Variants in GBE1 observed in about 807,000 individuals in gnomAD.
The protein encoded by GBE1 is 1,4-alpha-glucan-branching enzyme.
A neutral mutation model predicts 88.8 loss-of-function variants in GBE1; 70 were observed. The observed-to-expected ratio is 0.79, with a 90% CI of 0.65 to 0.96. The LOEUF is 0.96. GBE1 is among the 40% of genes least tolerant of loss of function. The probability of loss-of-function intolerance (pLI) is 0.00; values close to 1 mark genes in which losing one functional copy is unlikely to be tolerated. For missense variants in GBE1, 872 were observed against 871.0 expected, an observed-to-expected ratio of 1.00 and a Z score of -0.01; for synonymous variants, 284 against 300.1, an observed-to-expected ratio of 0.95 and a Z score of 0.56.
At chr3:81,705,989 G>A (rs548563950) in intron 1 of GBE1, among the ~76,000 whole-genome samples, 1 of 152,152 alleles carries the variant, frequency 6.6e-6, no homozygotes, top group East Asian at 1.9e-4. Flanking sequence ...AAATAACACA[G>A]TCAAAATTCA....
intron 2 of GBE1, among the ~76,000 whole-genome samples, chr3:81,678,799 C>T (rs1256517547): frequency 7.2e-5 from 11 of 151,856 alleles, no homozygotes; most frequent in Non-Finnish European, 1.5e-5. Flanking sequence ...AAGAAAAGCC[C>T]TTAAAATATA....
At chr3:81,626,194 T>A (rs1446009014) in intron 7 of GBE1, among the ~76,000 whole-genome samples, 1 of 152,158 alleles carries the variant, frequency 6.6e-6, no homozygotes, top group Non-Finnish European at 1.5e-5. Context: ...ACTCACTAGC[T>A]CAAGCTATTA....
At chr3:81,592,768 C>T (rs754190850) in intron 8 of GBE1, among the ~76,000 whole-genome samples, 7 of 151,920 alleles carry the variant, frequency 4.6e-5, no homozygotes, top group South Asian at 2.1e-4. Context: ...TGCAGGGGCA[C>T]GTAGGTGTTT....
At chr3:81,584,065 T>C (rs1703766012) in intron 10 of GBE1, among the ~76,000 whole-genome samples, 1 of 152,068 alleles carries the variant, frequency 6.6e-6, no homozygotes. Context: ...GATCAATGAA[T>C]GAGTTCATTA....
chr3:81,571,179 A>C (rs1205797682), intron 12 of GBE1, among the ~76,000 whole-genome samples: 2 of 152,324 alleles, frequency 1.3e-5, no homozygotes, highest in East Asian at 3.9e-4. Context: ...TTATCTGCAC[A>C]CACAGCTCCT....
At chr3:81,650,509 C>G (rs1381540309) in intron 3 of GBE1, among the ~76,000 whole-genome samples, 4 of 152,120 alleles carry the variant, frequency 2.6e-5, no homozygotes, top group Non-Finnish European at 1.5e-5. Context: ...ATCATCCGTT[C>G]ACATATTTGC....
chr3:81,657,654 A>G (rs1227845964), intron 3 of GBE1, among the ~76,000 whole-genome samples: 1 of 152,146 alleles, frequency 6.6e-6, no homozygotes, highest in African/African-American at 2.4e-5. Context: ...ATGACATTAT[A>G]TATTATTTAA....
At chr3:81,612,213 G>A (rs1337547016) in intron 7 of GBE1, 20 of 302,456 alleles carry the variant, frequency 6.6e-5, no homozygotes, top group Non-Finnish European at 1.0e-4. Flanking sequence ...TTAAATCCAC[G>A]CTCCTTTAAA....
intron 12 of GBE1, among the ~76,000 whole-genome samples, chr3:81,577,230 C>A (rs947927190): frequency 6.6e-6 from 1 of 152,046 alleles, no homozygotes; most frequent in Non-Finnish European, 1.5e-5. Flanking sequence ...GTGTGAGGCA[C>A]CACCCACCCT....
chr3:81,665,316 G>A (rs1464782669), intron 3 of GBE1, among the ~76,000 whole-genome samples: 2 of 151,908 alleles, frequency 1.3e-5, no homozygotes, highest in African/African-American at 4.8e-5. Context: ...GGCGGATCAC[G>A]AGCTCAGAAG....
intron 10 of GBE1, among the ~76,000 whole-genome samples, chr3:81,583,320 A>T (rs1367699674): frequency 6.6e-6 from 1 of 152,134 alleles, no homozygotes; most frequent in African/African-American, 2.4e-5. Context: ...GCAGTTTCTT[A>T]AAAAATTAAA....
intron 3 of GBE1, among the ~76,000 whole-genome samples, chr3:81,661,920 T>C (rs1705037393): frequency 6.6e-6 from 1 of 152,202 alleles, no homozygotes; most frequent in Non-Finnish European, 1.5e-5. Flanking sequence ...CACAATAAAA[T>C]TTGTCTCAAT....
At chr3:81,630,231 G>A (rs768982285) in intron 7 of GBE1, among the ~76,000 whole-genome samples, 15 of 151,960 alleles carry the variant, frequency 9.9e-5, no homozygotes, top group African/African-American at 2.4e-4. Context: ...GGACCTCTTC[G>A]AGGAGAACTA....
chr3:81,643,038 G>A, intron 6 of GBE1, 48 bp from the exon 7 acceptor site: 2 of 1,248,014 alleles, frequency 1.6e-6, no homozygotes, highest in Non-Finnish European at 2.3e-6. Flanking sequence ...ACATTTAGAG[G>A]AAACAGCCGA....
chr3:81,493,162 A>G (rs1702458571), intron 15 of GBE1, among the ~76,000 whole-genome samples: 2 of 152,214 alleles, frequency 1.3e-5, no homozygotes. Flanking sequence ...AAACCAATCT[A>G]AACATTTCAG....
intron 14 of GBE1, among the ~76,000 whole-genome samples, chr3:81,516,308 C>A (rs1158356940): frequency 6.6e-6 from 1 of 151,564 alleles, no homozygotes; most frequent in Admixed American, 6.6e-5. Context: ...AAAGTCTACT[C>A]TGCTTGTGCT....
intron 14 of GBE1, among the ~76,000 whole-genome samples, chr3:81,515,175 C>T (rs115953840): frequency 0.016 from 2,443 of 151,576 alleles, 80 homozygotes; most frequent in African/African-American, 0.057. Context: ...TTTGTAGCAA[C>T]GCTGCATCCA....
chr3:81,697,322 C>T (rs1303981817), intron 2 of GBE1, among the ~76,000 whole-genome samples: 14 of 140,680 alleles, frequency 1.0e-4, no homozygotes, highest in Admixed American at 2.1e-4. Flanking sequence ...TTTTTTGAGG[C>T]GGAGTCTCGC....
chr3:81,692,939 T>C (rs1201952150), intron 2 of GBE1, among the ~76,000 whole-genome samples: 3 of 152,186 alleles, frequency 2.0e-5, no homozygotes, highest in Non-Finnish European at 4.4e-5. Flanking sequence ...TCTGACTCCA[T>C]TATCTCTCTC....
Sources: gnomAD v4.1 joint callset for allele counts (sites outside exome capture counted in the v4.1 genomes callset) on GRCh38, gnomAD v4.1.1 for gene constraint, MANE v1.5 for transcripts, NCBI Gene and HGNC (gene_info 2026-07-23, HGNC 2026-07-21) for gene names.